Variants in TNFRSF8 observed in about 807,000 individuals in gnomAD.
TNFRSF8 encodes the protein tumor necrosis factor receptor superfamily member 8.
A neutral mutation model predicts 70.8 loss-of-function variants in TNFRSF8; 26 were observed. The observed-to-expected ratio is 0.37, with a 90% CI of 0.27 to 0.51. TNFRSF8 has a LOEUF of 0.51. Ranked by LOEUF, TNFRSF8 falls within the 20% of genes least tolerant of loss-of-function variation. The probability of loss-of-function intolerance (pLI) is 0.94; values close to 1 mark genes in which losing one functional copy is unlikely to be tolerated. For missense variants in TNFRSF8, 720 were observed against 807.9 expected (o/e 0.89, Z 1.32); for synonymous variants, 356 against 339.2 (o/e 1.05, Z -0.54).
chr1:12,131,063 G>C (rs1022978656), intron 12 of TNFRSF8, among the ~76,000 whole-genome samples: 3 of 152,194 alleles, frequency 2.0e-5, no homozygotes, highest in African/African-American at 2.4e-5. Flanking sequence ...GGAGTGCAGA[G>C]CCATGTTACT....
intron 12 of TNFRSF8, among the ~76,000 whole-genome samples, chr1:12,129,197 T>C (rs1642001168): frequency 6.6e-6 from 1 of 152,148 alleles, no homozygotes; most frequent in Non-Finnish European, 1.5e-5. Flanking sequence ...TCCAGGGAGA[T>C]TTAGGTTGAA....
intron 1 of TNFRSF8, among the ~76,000 whole-genome samples, chr1:12,074,842 G>T (rs1452718820): frequency 6.6e-6 from 1 of 151,304 alleles, no homozygotes; most frequent in Non-Finnish European, 1.5e-5. Context: ...AGGCTGGAGT[G>T]CAGTGTTGCA....
chr1:12,099,651 T>G (rs1166339755), intron 3 of TNFRSF8, among the ~76,000 whole-genome samples: 1 of 151,926 alleles, frequency 6.6e-6, no homozygotes, highest in African/African-American at 2.4e-5. Context: ...AGGAATACAT[T>G]CTGACAAACG....
At chr1:12,071,091 T>A (rs1194666204) in intron 1 of TNFRSF8, among the ~76,000 whole-genome samples, 3 of 152,244 alleles carry the variant, frequency 2.0e-5, no homozygotes, top group Admixed American at 6.5e-5. Flanking sequence ...TTTCTTTTGC[T>A]GCTATAGCAA....
intron 8 of TNFRSF8, among the ~76,000 whole-genome samples, chr1:12,122,114 A>T (rs374118338): frequency 6.6e-6 from 1 of 152,234 alleles, no homozygotes; most frequent in East Asian, 1.9e-4. Flanking sequence ...AGGGATGAGA[A>T]TGTTCTGTAT....
At chr1:12,129,530 C>T (rs1012230569) in intron 12 of TNFRSF8, among the ~76,000 whole-genome samples, 1 of 152,210 alleles carries the variant, frequency 6.6e-6, no homozygotes, top group Non-Finnish European at 1.5e-5. Context: ...TCTGGTTTCT[C>T]GAGTCTCCTT....
chr1:12,064,785 G>A (rs1030794203), intron 1 of TNFRSF8, among the ~76,000 whole-genome samples: 33 of 152,198 alleles, frequency 2.2e-4, no homozygotes, highest in African/African-American at 7.2e-4. Context: ...CCCCAAGAGG[G>A]CAGAGGGGAC....
At chr1:12,099,759 A>G (rs767085073) in intron 3 of TNFRSF8, among the ~76,000 whole-genome samples, 1 of 151,718 alleles carries the variant, frequency 6.6e-6, no homozygotes, top group Non-Finnish European at 1.5e-5. Flanking sequence ...GTTCTATGGC[A>G]GATCCTTTTG....
chr1:12,116,435 G>GT (rs562904243), intron 8 of TNFRSF8, among the ~76,000 whole-genome samples: 46 of 152,168 alleles, frequency 3.0e-4, no homozygotes, highest in Admixed American at 7.2e-4. Flanking sequence ...GTTGTTTTTT[G>GT]TTTTTTAAGG....
chr1:12,104,480 C>T lies in TNFRSF8; in HGVS notation c.370C>T (p.Arg124Cys), dbSNP rs148280403. ...CSTSAVNSCA[R>C]CFFHSVCPAG... The stretch of plus-strand genomic sequence containing the variant: ...CACGTCTGCCGTCAACTCCTGTGCC[C>T]GCTGCTTCTTCCATTCTGTCTGTCC... Residue 124 changes from arginine to cysteine, a missense_variant, in exon 4 of 15, where the codon CGC becomes TGC. Physicochemically the swap from Arg to Cys is radical, Grantham distance 180. Coordinates refer to ENST00000263932, the MANE Select transcript of TNFRSF8 (RefSeq NM_001243.5). The T allele has an allele frequency of 1.2e-6, 2 of 1,614,194 alleles. No homozygotes were observed. Among genetic ancestry groups the T allele is most frequent in the Non-Finnish European group, 1.7e-6 (2 of 1,180,036 alleles).
At chr1:12,078,729 A>G (rs1338248795) in intron 1 of TNFRSF8, among the ~76,000 whole-genome samples, 1 of 152,080 alleles carries the variant, frequency 6.6e-6, no homozygotes, top group Non-Finnish European at 1.5e-5. Context: ...CTTTGGGCAG[A>G]TTTCTCGTCC....
At chr1:12,070,319 C>G (rs1569976651) in intron 1 of TNFRSF8, among the ~76,000 whole-genome samples, 1 of 151,300 alleles carries the variant, frequency 6.6e-6, no homozygotes, top group Admixed American at 6.6e-5. Flanking sequence ...GGTGTGATCT[C>G]GGCTCACTGC....
At position 12,102,529 on chromosome 1, in the gene TNFRSF8, T is replaced by C. The variant is rs1641442706; in HGVS notation, c.269-1850T>C. On this transcript the variant is annotated intron_variant, in intron 3 of 14. Transcript: ENST00000263932. Reference sequence around the variant, plus strand: ...AGTTTTACCAGTGCTATTTTTGTTTTGTTTTGTTTTGTTTGAGACGGAGTC... The same window carrying C: ...AGTTTTACCAGTGCTATTTTTGTTTCGTTTTGTTTTGTTTGAGACGGAGTC... Among the ~76,000 whole-genome samples, 3 of 152,182 alleles carry C rather than the reference T, an allele frequency of 2.0e-5. No individual in the cohort carries two copies. The South Asian group carries it at 6.2e-4, about 32-fold the overall frequency.
At chr1:12,083,890 A>G (rs1013472091) in intron 1 of TNFRSF8, among the ~76,000 whole-genome samples, 4 of 152,234 alleles carry the variant, frequency 2.6e-5, no homozygotes, top group Non-Finnish European at 4.4e-5. Context: ...AAAAGCAGTC[A>G]ACACTAATAG....
At chr1:12,066,672 T>G (rs1640747640) in intron 1 of TNFRSF8, among the ~76,000 whole-genome samples, 1 of 142,610 alleles carries the variant, frequency 7.0e-6, no homozygotes, top group South Asian at 2.3e-4. Flanking sequence ...TTTTATTTTT[T>G]GGGACAGTCT....
intron 2 of TNFRSF8, among the ~76,000 whole-genome samples, chr1:12,086,266 T>G (rs1158284894): frequency 3.3e-5 from 5 of 152,268 alleles, no homozygotes; most frequent in Non-Finnish European, 7.3e-5. Flanking sequence ...AAGAATTTGA[T>G]GTTTTTGTAT....
intron 1 of TNFRSF8, among the ~76,000 whole-genome samples, chr1:12,072,769 C>A (rs577512466): frequency 3.5e-4 from 54 of 152,302 alleles, no homozygotes; most frequent in Non-Finnish European, 6.6e-4. Context: ...GATAATGTGG[C>A]CTCCACACAG....
intron 1 of TNFRSF8, among the ~76,000 whole-genome samples, chr1:12,071,570 C>T (rs540918673): frequency 6.6e-6 from 1 of 152,136 alleles, no homozygotes; most frequent in Non-Finnish European, 1.5e-5. Context: ...CCCTGCATCA[C>T]TCTGAACTCT....
At chr1:12,091,869 A>G (rs140905487) in intron 2 of TNFRSF8, among the ~76,000 whole-genome samples, 2,487 of 152,312 alleles carry the variant, frequency 0.016, 210 homozygotes, top group Admixed American at 0.14. Context: ...GAGTCTCATG[A>G]GGAGCATGCA....
Sources: gnomAD v4.1 joint callset for allele counts (sites outside exome capture counted in the v4.1 genomes callset) on GRCh38, gnomAD v4.1.1 for gene constraint, MANE v1.5 for transcripts, NCBI Gene and HGNC (gene_info 2026-07-23, HGNC 2026-07-21) for gene names.